Variants in MIA2 observed in about 807,000 individuals in gnomAD.
MIA2 encodes the protein MIA SH3 domain ER export factor 2, also known as melanoma inhibitory activity protein 2.
MIA2 carries 127 observed loss-of-function variants against 167.8 expected under a neutral mutation model. The observed-to-expected ratio is 0.76, with a 90% CI of 0.66 to 0.88. MIA2 has a LOEUF of 0.88. Among genes scored for constraint, MIA2 ranks in the 40% least tolerant of loss-of-function variants. MIA2 has a pLI of 0.00. For synonymous variants in MIA2, 552 were observed against 541.9 expected, an observed-to-expected ratio of 1.02 and a Z score of -0.26; for missense variants, 1,690 against 1,624.7, an observed-to-expected ratio of 1.04 and a Z score of -0.69.
At chr14:39,280,543 T>A (rs958793734) in intron 9 of MIA2, among the ~76,000 whole-genome samples, 1 of 151,940 alleles carries the variant, frequency 6.6e-6, no homozygotes, top group Non-Finnish European at 1.5e-5. Flanking sequence ...CTATCCTGGC[T>A]AACATGGTGA....
At chr14:39,386,770 G>A (rs1294930412) in intron 23 of MIA2, 9 of 1,310,298 alleles carry the variant, frequency 6.9e-6, no homozygotes, top group South Asian at 2.4e-5. Flanking sequence ...TGAAATGCCC[G>A]CTTCTTTGCT....
chr14:39,360,525 G>A, intron 23 of MIA2, among the ~76,000 whole-genome samples: 1 of 150,842 alleles, frequency 6.6e-6, no homozygotes, highest in African/African-American at 2.4e-5. Flanking sequence ...AGTGCCTTGT[G>A]TATTCTTGTG....
rs1346921349 is a variant in MIA2 at position 39,247,975 on chromosome 14, T to C, written c.1401T>C (p.Pro467=). 6.3e-7 allele frequency: 1 copy of C among 1,595,600 alleles called. No homozygotes were observed. The highest frequency in any genetic ancestry group is 8.5e-7 in the Non-Finnish European group (1 of 1,175,776). Residue 467 remains proline, a synonymous_variant, in exon 4 of 29, where the codon CCT becomes CCC. Transcript: ENST00000640607. The stretch of plus-strand genomic sequence containing the variant: ...AGTTCTTGTATAATTTTGACAACCC[T>C]TGGAACTTCCAGAACATTCCAAAGG... The part of the protein sequence containing the change: ...LKKFLYNFDN[P]WNFQNIPKET...
chr14:39,289,376 G>A (rs930975274), intron 9 of MIA2, among the ~76,000 whole-genome samples: 1 of 151,826 alleles, frequency 6.6e-6, no homozygotes, highest in Non-Finnish European at 1.5e-5. Context: ...CACCACGCTC[G>A]GCTAATTTTT....
At chr14:39,244,536 A>G (rs994397927) in intron 3 of MIA2, among the ~76,000 whole-genome samples, 1 of 152,206 alleles carries the variant, frequency 6.6e-6, no homozygotes, top group African/African-American at 2.4e-5. Flanking sequence ...CTGCAGTGCC[A>G]AGTATATATT....
At chr14:39,288,565 C>T (rs1267899160) in intron 9 of MIA2, among the ~76,000 whole-genome samples, 5 of 148,394 alleles carry the variant, frequency 3.4e-5, no homozygotes, top group East Asian at 2.0e-4. Context: ...ACCTCCGCCT[C>T]CCGGGTTCAA....
At chr14:39,374,579 T>C (rs139652370) in intron 23 of MIA2, among the ~76,000 whole-genome samples, 206 of 152,316 alleles carry the variant, frequency 1.4e-3, no homozygotes, top group Middle Eastern at 3.4e-3. Context: ...ACTCAGTTCA[T>C]TTCTATAGAT....
At chr14:39,246,804 A>T in intron 3 of MIA2, 107 bp from the exon 4 acceptor site, 1 of 581,000 alleles carries the variant, frequency 1.7e-6, no homozygotes, top group Non-Finnish European at 2.8e-6. Flanking sequence ...CTGTTGAGCT[A>T]GTCATGTGTC....
intron 18 of MIA2, among the ~76,000 whole-genome samples, chr14:39,309,930 G>C (rs2152923189): frequency 7.5e-6 from 1 of 132,802 alleles, no homozygotes; most frequent in South Asian, 2.5e-4. Context: ...TTTTCAAATA[G>C]TGCCATGGCA....
At chr14:39,350,862 T>C (rs1185807453), downstream of MIA2, 2 of 152,152 alleles carry the variant, frequency 1.3e-5, no homozygotes, top group Admixed American at 1.3e-4. Flanking sequence ...AAAGTCAAAA[T>C]TGATTATATT....
chr14:39,312,177 A>G (rs1187301490), intron 18 of MIA2, among the ~76,000 whole-genome samples: 3 of 152,140 alleles, frequency 2.0e-5, no homozygotes, highest in Non-Finnish European at 4.4e-5. Flanking sequence ...TCACAGTGTA[A>G]TTTCTATTAT....
chr14:39,337,167 G>A (rs1196586251), intron 25 of MIA2, among the ~76,000 whole-genome samples: 2 of 152,160 alleles, frequency 1.3e-5, no homozygotes, highest in Non-Finnish European at 2.9e-5. Flanking sequence ...GTATAAGTAG[G>A]TGGAAAGTAA....
At chr14:39,311,985 A>G (rs2064387401) in intron 18 of MIA2, among the ~76,000 whole-genome samples, 1 of 147,928 alleles carries the variant, frequency 6.8e-6, no homozygotes, top group Non-Finnish European at 1.5e-5. Context: ...GCGCGCCACC[A>G]TGCCTGCCTA....
At position 39,347,298 on chromosome 14, in the gene MIA2, C is replaced by T. The variant is rs185664616; in HGVS notation, c.3779-415C>T. Among the ~76,000 whole-genome samples the T allele has an allele frequency of 2.2e-4, 34 of 152,026 alleles. No homozygotes were observed. In the Middle Eastern group the frequency reaches 0.01, roughly 46 times the overall value. ...TAACAAAGTTCGGGAACATTTATTTCGGAACAGTAGCTAAATTTCAGTAGC... is the reference window on the plus strand; with the variant it reads ...TAACAAAGTTCGGGAACATTTATTTTGGAACAGTAGCTAAATTTCAGTAGC... On this transcript the variant is annotated intron_variant, in intron 26 of 28. Transcript: ENST00000640607.
intron 2 of MIA2, among the ~76,000 whole-genome samples, chr14:39,238,266 G>A (rs9743804): frequency 0.5 from 75,893 of 150,918 alleles, 20,479 homozygotes; most frequent in African/African-American, 0.7. Context: ...TCTACTTCCC[G>A]GGTTCAAGCT....
chr14:39,277,750 A>ATATATATATATATATATGTGTG (rs2058343344), intron 7 of MIA2, among the ~76,000 whole-genome samples: 2 of 15,052 alleles, frequency 1.3e-4, no homozygotes, highest in Admixed American at 9.7e-4. Context: ...ATATGTGTGT[A>ATATATATATATATATATGTGTG]TATATATATA....
chr14:39,296,832 A>G (rs959213450), intron 13 of MIA2, among the ~76,000 whole-genome samples: 2 of 151,344 alleles, frequency 1.3e-5, no homozygotes, highest in Admixed American at 6.6e-5. Context: ...CTGGAGTTCA[A>G]TGGCCTGATC....
At chr14:39,288,472 T>TTTG (rs2060222140) in intron 9 of MIA2, among the ~76,000 whole-genome samples, 1 of 50,590 alleles carries the variant, frequency 2.0e-5, no homozygotes, top group African/African-American at 1.1e-4. Context: ...TATATATATA[T>TTTG]ATATTTTTTT....
chr14:39,330,144 G>C (rs1317689011), intron 25 of MIA2, among the ~76,000 whole-genome samples: 4 of 152,260 alleles, frequency 2.6e-5, no homozygotes, highest in African/African-American at 9.6e-5. Flanking sequence ...GTCAATTTCA[G>C]AACTTGTTAC....
Sources: gnomAD v4.1 joint callset for allele counts (sites outside exome capture counted in the v4.1 genomes callset) on GRCh38, gnomAD v4.1.1 for gene constraint, MANE v1.5 for transcripts, NCBI Gene and HGNC (gene_info 2026-07-23, HGNC 2026-07-21) for gene names.